Variants in TRIM5 observed in about 807,000 individuals in gnomAD.
TRIM5 encodes the protein tripartite motif containing 5.
In TRIM5, 31 loss-of-function variants were observed where a neutral mutation model predicts 35.6. The observed-to-expected ratio is 0.87, with a 90% CI of 0.65 to 1.18. TRIM5 has a LOEUF of 1.18. TRIM5 is among the 50% of genes most tolerant of loss of function. TRIM5 has a pLI of 0.00. For synonymous variants in TRIM5, 243 were observed against 215.6 expected (o/e 1.13, Z -1.11); for missense variants, 609 against 591.6 (o/e 1.03, Z -0.31).
chr11:5,597,902 T>C, the TRIM5 span, among the ~76,000 whole-genome samples: 1 of 148,120 alleles, frequency 6.8e-6, no homozygotes, highest in Non-Finnish European at 1.5e-5. Flanking sequence ...TTAATGTGCG[T>C]AAGAATCACC....
intron 1 of TRIM5, among the ~76,000 whole-genome samples, chr11:5,682,667 T>G (rs1308702494): frequency 6.6e-6 from 1 of 152,124 alleles, no homozygotes; most frequent in Non-Finnish European, 1.5e-5. Flanking sequence ...CCTAATTGCC[T>G]TTAGATCATT....
chr11:5,609,085 G>A, the TRIM5 span, among the ~76,000 whole-genome samples: 1 of 152,060 alleles, frequency 6.6e-6, no homozygotes, highest in South Asian at 2.1e-4. Context: ...CAGTAAAAAC[G>A]TAAACCCGAG....
chr11:5,667,580 T>A, intron 5 of TRIM5, 109 bp downstream of exon 5: 1 of 1,200,936 alleles, frequency 8.3e-7, no homozygotes, highest in South Asian at 1.4e-5. Context: ...AATATCGAAA[T>A]TTTTCTGCCC....
chr11:5,632,713 C>CA, the TRIM5 span: 1 of 1,611,650 alleles, frequency 6.2e-7, no homozygotes, highest in East Asian at 2.2e-5. Context: ...GCACCGTGGT[C>CA]ACCACACAGT....
At chr11:5,610,170 C>T in the TRIM5 span, 4 of 1,614,078 alleles carry the variant, frequency 2.5e-6, no homozygotes, top group East Asian at 4.5e-5. Flanking sequence ...CCTGAGGAAG[C>T]CAGAAGCTCT....
chr11:5,668,309 A>AAC (rs1156436001), intron 4 of TRIM5, among the ~76,000 whole-genome samples: 1 of 145,018 alleles, frequency 6.9e-6, no homozygotes, highest in Non-Finnish European at 1.5e-5. Flanking sequence ...TAAACAAGAA[A>AAC]ACATATATAT....
At position 5,678,312 on chromosome 11, in the gene TRIM5, T is replaced by C. The variant is rs372748770; in HGVS notation, c.636A>G (p.Lys212=). 602 of 1,613,986 alleles carry C rather than the reference T, an allele frequency of 3.7e-4. No individual in the cohort carries two copies. Among genetic ancestry groups the C allele is most frequent in the Admixed American group, 5.0e-4 (30 of 60,008 alleles). The change falls in exon 4 of 8, where the codon AAA becomes AAG. Residue 212 remains lysine (K), a synonymous_variant. Transcript: ENST00000380034. The part of the protein sequence containing the change: ...NLEKEEEDIL[K]SLTNSETEMV... ...TCTCAGTTTCAGAGTTCGTAAGGCT[T>C]TTCAGAATGTCTTCCTCCTCCTTCT...
intron 1 of TRIM5, among the ~76,000 whole-genome samples, chr11:5,682,249 CA>C (rs1483675815): frequency 2.0e-4 from 31 of 152,284 alleles, no homozygotes; most frequent in Admixed American, 1.9e-3. Flanking sequence ...ACTAAAAATA[CA>C]AAATGAGCTG....
Position 5,679,113 on chromosome 11 carries a change from C to T in TRIM5, c.474G>A (p.Glu158=), listed in dbSNP as rs1331544473. The T allele has an allele frequency of 6.2e-7, 1 of 1,614,150 alleles. No individual in the cohort carries two copies. ...TCTCTTCTCTGATGTCAGCTTCTAACTCTTCAGCTTCCTGCTGCTTCTGCC... is the reference window on the plus strand; with the variant it reads ...TCTCTTCTCTGATGTCAGCTTCTAATTCTTCAGCTTCCTGCTGCTTCTGCC... The part of the protein sequence containing the change: ...MLRQKQQEAE[E]LEADIREEKA... Residue 158 remains glutamate, a synonymous_variant, in exon 3 of 8, where the codon GAG becomes GAA. Transcript: ENST00000380034.
chr11:5,609,860 T>C, the TRIM5 span, among the ~76,000 whole-genome samples: 1 of 152,022 alleles, frequency 6.6e-6, no homozygotes, highest in Non-Finnish European at 1.5e-5. Context: ...GAGGTGGAGG[T>C]TGCAGTGAGC....
At position 5,667,623 on chromosome 11, in the gene TRIM5, C is replaced by A. The variant is rs988870430; in HGVS notation, c.767+66G>T. 4.5e-6 allele frequency: 7 copies of A among 1,538,614 alleles called. No homozygotes were observed. In the African/African-American group the frequency reaches 5.6e-5, roughly 12 times the overall value. Reference sequence around the variant, plus strand: ...TGTTTTATTCTAATTAAACCCAGGACAATTCTAATGGCTATAAATCTCTCC... The same window carrying A: ...TGTTTTATTCTAATTAAACCCAGGAAAATTCTAATGGCTATAAATCTCTCC... On this transcript the variant is annotated intron_variant, in intron 5 of 7. Coordinates refer to ENST00000380034, the MANE Select transcript of TRIM5 (RefSeq NM_033034.3).
the TRIM5 span, chr11:5,642,945 C>A: frequency 3.3e-6 from 5 of 1,503,636 alleles, no homozygotes; most frequent in Non-Finnish European, 4.5e-6. Flanking sequence ...ATTCTCAGCA[C>A]CTCCCAAAAC....
chr11:5,606,378 T>C, the TRIM5 span, among the ~76,000 whole-genome samples: 1 of 152,200 alleles, frequency 6.6e-6, no homozygotes, highest in Non-Finnish European at 1.5e-5. Flanking sequence ...ATTTTCTGCA[T>C]AGAATGAATA....
At chr11:5,611,811 CATCT>C in the TRIM5 span, 1 of 156,784 alleles carries the variant, frequency 6.4e-6, no homozygotes, top group Non-Finnish European at 1.4e-5. Flanking sequence ...TGAGAGTAAG[CATCT>C]TTGACTGATG....
Position 5,665,199 on chromosome 11 carries a change from G to T in TRIM5, c.1092C>A (p.Asp364Glu). 2 of 1,614,088 alleles carry T rather than the reference G, an allele frequency of 1.2e-6. No individual in the cohort carries two copies. Among genetic ancestry groups the T allele is most frequent in the Non-Finnish European group, 1.7e-6 (2 of 1,180,012 alleles). ...GGATCCAAGCAGTTTTCTTGGACAC[G>T]TCTACCTCCCAGTAATGTTTCCCTG... Reference protein sequence around the residue: ...ITSGKHYWEVDVSKKTAWILG... With the variant: ...ITSGKHYWEVEVSKKTAWILG... The change falls in exon 8 of 8, where the codon GAC becomes GAA. Residue 364 changes from aspartate (D) to glutamate (E), a missense_variant. By Grantham distance (45) the Asp-to-Glu change is conservative. Coordinates refer to ENST00000380034, the MANE Select transcript of TRIM5 (RefSeq NM_033034.3).
the TRIM5 span, among the ~76,000 whole-genome samples, chr11:5,656,860 G>A: frequency 6.6e-6 from 1 of 152,340 alleles, no homozygotes; most frequent in Admixed American, 6.5e-5. Context: ...TACACTGTAG[G>A]TGGGAGTATA....
the TRIM5 span, chr11:5,604,695 C>T: frequency 2.0e-6 from 3 of 1,527,256 alleles, no homozygotes; most frequent in Non-Finnish European, 1.8e-6. Flanking sequence ...GAGCTGAGGG[C>T]AAAGGAGTCC....
At chr11:5,608,374 T>A in the TRIM5 span, 2 of 1,613,754 alleles carry the variant, frequency 1.2e-6, no homozygotes, top group African/African-American at 1.3e-5. Flanking sequence ...CTTCCTAGGA[T>A]GTGAGTGATG....
intron 1 of TRIM5, 66 bp from the exon 2 acceptor site, chr11:5,680,304 G>T: frequency 1.0e-6 from 1 of 955,856 alleles, no homozygotes; most frequent in Non-Finnish European, 1.5e-6. Flanking sequence ...GATATTGATT[G>T]TGCACAATTA....
Sources: allele counts gnomAD v4.1 joint callset (sites outside exome capture counted in the v4.1 genomes callset), GRCh38; gene constraint gnomAD v4.1.1; transcripts MANE v1.5; gene names NCBI Gene and HGNC (gene_info 2026-07-23, HGNC 2026-07-21).